The following EFCAB6 variants were observed in gnomAD, a reference collection of about 807,000 sequenced individuals.
The protein encoded by EFCAB6 is EF-hand calcium-binding domain-containing protein 6.
A neutral mutation model predicts 169.8 loss-of-function variants in EFCAB6; 156 were observed. The observed-to-expected ratio is 0.92, with a 90% confidence interval of 0.81 to 1.05. The LOEUF is 1.05. Among genes scored for constraint, EFCAB6 ranks in the 50% least tolerant of loss-of-function variants. The pLI is 0.00. For synonymous variants in EFCAB6, 698 were observed against 676.4 expected (o/e 1.03, Z -0.50); for missense variants, 1,800 against 1,829.1 (o/e 0.98, Z 0.29).
At chr22:43,630,937 G>A (rs1364919180) in intron 19 of EFCAB6, among the ~76,000 whole-genome samples, 1 of 150,776 alleles carries the variant, frequency 6.6e-6, no homozygotes, top group African/African-American at 2.5e-5. Flanking sequence ...CTGAAAACTG[G>A]ACAGAATGTT....
intron 23 of EFCAB6, among the ~76,000 whole-genome samples, chr22:43,599,032 C>T (rs1185201627): frequency 4.6e-5 from 7 of 152,042 alleles, no homozygotes; most frequent in Non-Finnish European, 1.0e-4. Flanking sequence ...ATCTTCTGGT[C>T]CCAGGCACCT....
intron 23 of EFCAB6, among the ~76,000 whole-genome samples, chr22:43,590,509 G>A (rs1429939742): frequency 1.3e-5 from 2 of 152,044 alleles, no homozygotes; most frequent in South Asian, 2.1e-4. Context: ...CTTTAAAAAC[G>A]GAACCAAGAA....
intron 4 of EFCAB6, among the ~76,000 whole-genome samples, chr22:43,771,246 C>T (rs2061459895): frequency 6.6e-6 from 1 of 152,196 alleles, no homozygotes; most frequent in East Asian, 1.9e-4. Flanking sequence ...GCCTGGCCAA[C>T]ATGCAGAAAC....
At chr22:43,530,563 G>A in intron 31 of EFCAB6, 2 of 985,448 alleles carry the variant, frequency 2.0e-6, no homozygotes, top group Non-Finnish European at 2.4e-6. Context: ...TGACCCTGAG[G>A]AGCTGGCGAT....
chr22:43,715,193 C>A (rs954484738), intron 9 of EFCAB6, among the ~76,000 whole-genome samples: 1 of 152,112 alleles, frequency 6.6e-6, no homozygotes, highest in Non-Finnish European at 1.5e-5. Flanking sequence ...ATAAGTCTTG[C>A]GGGAAGGAAA....
intron 2 of EFCAB6, among the ~76,000 whole-genome samples, chr22:43,796,323 C>T (rs1249166497): frequency 6.6e-5 from 10 of 151,882 alleles, no homozygotes; most frequent in Admixed American, 6.6e-4. Flanking sequence ...ACGTCAACCT[C>T]CAAAAAATGA....
chr22:43,739,120 A>G (rs1231658494), intron 6 of EFCAB6, among the ~76,000 whole-genome samples: 3 of 152,138 alleles, frequency 2.0e-5, no homozygotes, highest in Admixed American at 6.5e-5. Flanking sequence ...ATTATCTCCA[A>G]TGTGTCCCCC....
intron 27 of EFCAB6, among the ~76,000 whole-genome samples, chr22:43,543,105 G>T (rs1227563935): frequency 1.3e-5 from 2 of 152,196 alleles, no homozygotes; most frequent in Admixed American, 6.5e-5. Flanking sequence ...GAGCCCATGA[G>T]CGCGGGGTCA....
At chr22:43,698,513 A>G (rs2058657701) in intron 10 of EFCAB6, among the ~76,000 whole-genome samples, 1 of 152,188 alleles carries the variant, frequency 6.6e-6, no homozygotes, top group East Asian at 1.9e-4. Flanking sequence ...AGGTGTGGCA[A>G]TGGTCTCAGA....
At chr22:43,617,919 T>C (rs1314630660) in intron 20 of EFCAB6, among the ~76,000 whole-genome samples, 1 of 151,732 alleles carries the variant, frequency 6.6e-6, no homozygotes, top group Non-Finnish European at 1.5e-5. Context: ...CTGGCCAACA[T>C]GGTGAAACCC....
In EFCAB6 at chr22:43,537,611, C is replaced by T; in HGVS notation, c.3880-66G>A. On this transcript the variant is annotated intron_variant, in intron 28 of 31. Transcript: ENST00000262726. This position sits in a 1 kb window ranked among gnomAD's most constrained non-coding sequence, Gnocchi z 4.3. Reference sequence around the variant, plus strand: ...TTAAAACGGAAGTCATCAAAAATACCTCAATACCTCCAGTTTTGAGGTTCA... The same window carrying T: ...TTAAAACGGAAGTCATCAAAAATACTTCAATACCTCCAGTTTTGAGGTTCA... The T allele has an allele frequency of 1.2e-5, 18 of 1,523,196 alleles. No individual in the cohort carries two copies. The highest frequency in any genetic ancestry group is 1.5e-5 in the Non-Finnish European group (17 of 1,131,682). 94.4% of individuals were successfully genotyped at this position (1,523,196 alleles called of 1,614,324 possible).
intron 1 of EFCAB6, among the ~76,000 whole-genome samples, chr22:43,809,858 G>A (rs999232841): frequency 3.3e-5 from 5 of 151,222 alleles, no homozygotes; most frequent in African/African-American, 9.8e-5. Context: ...CAACCGCCTC[G>A]GCCTCCCAAA....
intron 26 of EFCAB6, among the ~76,000 whole-genome samples, chr22:43,571,082 G>A (rs2049845785): frequency 6.6e-6 from 1 of 152,250 alleles, no homozygotes; most frequent in Non-Finnish European, 1.5e-5. Context: ...GGCCCTTGCT[G>A]TGAGAAGAGC....
At position 43,807,445 on chromosome 22, in the gene EFCAB6, A is replaced by G. The variant is rs915647731; in HGVS notation, c.-8+1550T>C. On this transcript the variant is annotated intron_variant, in intron 2 of 31. Coordinates refer to ENST00000262726, the MANE Select transcript of EFCAB6 (RefSeq NM_022785.4). Reference sequence around the variant, plus strand: ...TCACAGACCATCAAATACACTTCTTAACCAATGGGAAAAACACAATTAGAA... The same window carrying G: ...TCACAGACCATCAAATACACTTCTTGACCAATGGGAAAAACACAATTAGAA... Among the ~76,000 whole-genome samples, 6 of 152,224 alleles carry G rather than the reference A, an allele frequency of 3.9e-5. No individual in the cohort carries two copies. In the South Asian group the frequency reaches 1.0e-3, roughly 26 times the overall value.
At chr22:43,563,907 C>A (rs933554391) in intron 26 of EFCAB6, among the ~76,000 whole-genome samples, 1 of 152,222 alleles carries the variant, frequency 6.6e-6, no homozygotes, top group Non-Finnish European at 1.5e-5. Context: ...CACAGAACTG[C>A]GTCTCTTGAC....
chr22:43,683,086 A>G (rs2058066645), intron 12 of EFCAB6, among the ~76,000 whole-genome samples: 1 of 152,140 alleles, frequency 6.6e-6, no homozygotes, highest in East Asian at 1.9e-4. Context: ...CTCTGAAATC[A>G]TCTGTACACA....
intron 24 of EFCAB6, among the ~76,000 whole-genome samples, chr22:43,585,176 A>T (rs1025618945): frequency 1.3e-5 from 2 of 152,252 alleles, no homozygotes; most frequent in Non-Finnish European, 2.9e-5. Context: ...GGAATTTAAA[A>T]TAACTATGGT....
At chr22:43,700,199 A>C (rs2058717052) in intron 10 of EFCAB6, among the ~76,000 whole-genome samples, 2 of 152,166 alleles carry the variant, frequency 1.3e-5, no homozygotes, top group African/African-American at 4.8e-5. Context: ...CAGCTTTTTA[A>C]AGTCTAAAAT....
chr22:43,783,164 C>T (rs551624302), intron 2 of EFCAB6, among the ~76,000 whole-genome samples: 222 of 152,226 alleles, frequency 1.5e-3, no homozygotes, highest in Non-Finnish European at 2.4e-3. Flanking sequence ...GTGAACACAG[C>T]CTATCATGAA....
Sources: allele counts gnomAD v4.1 joint callset (sites outside exome capture counted in the v4.1 genomes callset), GRCh38; gene constraint gnomAD v4.1.1; non-coding constraint Gnocchi (gnomAD v3.1); transcripts MANE v1.5; gene names NCBI Gene and HGNC (gene_info 2026-07-23, HGNC 2026-07-21).